Variants in HMCN1 observed in about 807,000 individuals in gnomAD.
HMCN1 encodes hemicentin-1.
A neutral mutation model predicts 625.9 loss-of-function variants in HMCN1; 321 were observed. That is an observed-to-expected ratio of 0.51 (90% CI 0.47 to 0.56). HMCN1 has a LOEUF of 0.56. Ranked by LOEUF, HMCN1 falls within the 20% of genes least tolerant of loss-of-function variation. The pLI is 0.00. For missense variants in HMCN1, 6,588 were observed against 6,887.3 expected (o/e 0.96, Z 1.54); for synonymous variants, 2,425 against 2,417.6 (o/e 1.00, Z -0.09).
rs1652740425 is a variant in HMCN1 at position 186,178,527 on chromosome 1, A to G, written c.16055A>G (p.Lys5352Arg). The G allele has an allele frequency of 6.2e-7, 1 of 1,614,104 alleles. No homozygotes were observed. The highest frequency in any genetic ancestry group is 8.5e-7 in the Non-Finnish European group (1 of 1,179,984). Residue 5352 changes from lysine (K) to arginine (R), a missense_variant, in exon 104 of 107, where the codon AAA (lysine) becomes AGA (arginine). Physicochemically the swap from Lys to Arg is conservative, Grantham distance 26. Coordinates refer to ENST00000271588, the MANE Select transcript of HMCN1 (RefSeq NM_031935.3). ...GGACAACATTTATTAGGGGACGGGAAATCTTGCGCTGGATTGGAGAGGCTG... is the reference window on the plus strand; with the variant it reads ...GGACAACATTTATTAGGGGACGGGAGATCTTGCGCTGGATTGGAGAGGCTG... ...PPGQHLLGDG[K>R]SCAGLERLPN...
Position 186,076,499 on chromosome 1 carries a change from G to A in HMCN1, c.8362G>A (p.Asp2788Asn), listed in dbSNP as rs1658821072. ...LDTGRNGEAK[D>N]VIINNPISLY... ...TACTGGCAGGAATGGTGAAGCCAAA[G>A]ATGTGATCATCAACAATCCCATTTC... The change falls in exon 54 of 107, where the codon GAT becomes AAT. Residue 2788 changes from aspartate to asparagine, a missense_variant. By Grantham distance (23) the Asp-to-Asn change is conservative. This residue lies in a region of HMCN1 where 4,628 missense variants were observed against 4,853.1 expected (regional missense o/e 0.95). Coordinates refer to ENST00000271588, the MANE Select transcript of HMCN1 (RefSeq NM_031935.3). The A allele has an allele frequency of 1.2e-6, 2 of 1,613,762 alleles. No homozygotes were observed. Among genetic ancestry groups the A allele is most frequent in the Non-Finnish European group, 1.7e-6 (2 of 1,179,820 alleles).
chr1:185,892,835 C>G (rs1054881112), intron 4 of HMCN1, among the ~76,000 whole-genome samples: 8 of 152,184 alleles, frequency 5.3e-5, no homozygotes, highest in African/African-American at 1.7e-4. Flanking sequence ...GTGGTGGGCT[C>G]CACCCAGTTC....
intron 68 of HMCN1, among the ~76,000 whole-genome samples, chr1:186,102,774 C>T (rs997983087): frequency 5.2e-4 from 79 of 152,038 alleles, no homozygotes; most frequent in Non-Finnish European, 2.9e-4. Context: ...TCATAGAAAA[C>T]GCAAATGGTC....
chr1:185,909,135 C>T (rs1456760782), intron 4 of HMCN1, among the ~76,000 whole-genome samples: 4 of 152,040 alleles, frequency 2.6e-5, no homozygotes, highest in Non-Finnish European at 4.4e-5. Flanking sequence ...GAAATTTGAA[C>T]ATGGGTTAAA....
At chr1:186,104,668 C>T (rs1660531140) in intron 69 of HMCN1, among the ~76,000 whole-genome samples, 1 of 152,106 alleles carries the variant, frequency 6.6e-6, no homozygotes, top group Admixed American at 6.6e-5. Context: ...ACTTATCTGC[C>T]AAGTACTCAT....
At chr1:186,117,748 C>A in intron 77 of HMCN1, 125 bp downstream of exon 77, 1 of 955,784 alleles carries the variant, frequency 1.0e-6, no homozygotes, top group Non-Finnish European at 1.7e-6. Context: ...ACTTAAAAAT[C>A]TGGAAAACAG....
At chr1:185,886,927 C>A (rs908031517) in intron 4 of HMCN1, among the ~76,000 whole-genome samples, 14 of 152,102 alleles carry the variant, frequency 9.2e-5, no homozygotes, top group African/African-American at 2.9e-4. Flanking sequence ...ACCTTGCCAT[C>A]CAAATGTATC....
At chr1:185,742,553 C>G (rs1424622175) in intron 1 of HMCN1, among the ~76,000 whole-genome samples, 1 of 152,050 alleles carries the variant, frequency 6.6e-6, no homozygotes, top group East Asian at 1.9e-4. Context: ...CTGTGCACAT[C>G]TATATGAACT....
chr1:185,898,302 C>T (rs1427727841), intron 4 of HMCN1, among the ~76,000 whole-genome samples: 2 of 152,130 alleles, frequency 1.3e-5, no homozygotes, highest in Non-Finnish European at 2.9e-5. Flanking sequence ...AGTCACTTCA[C>T]TACCCACAGG....
At chr1:186,087,817 A>G (rs985777321) in intron 60 of HMCN1, 115 bp from the exon 61 acceptor site, 2 of 1,155,286 alleles carry the variant, frequency 1.7e-6, no homozygotes, top group Non-Finnish European at 2.6e-6. Flanking sequence ...GCAGAAGGCA[A>G]TTAGAACTGG....
At chr1:186,143,486 A>T (rs1650099583) in intron 89 of HMCN1, among the ~76,000 whole-genome samples, 1 of 152,194 alleles carries the variant, frequency 6.6e-6, no homozygotes, top group South Asian at 2.1e-4. Context: ...CAATGATGTG[A>T]TGTGTTAGTT....
chr1:186,132,455 TTACCTAA>T, intron 86 of HMCN1, 46 bp downstream of exon 86: 1 of 1,366,040 alleles, frequency 7.3e-7, no homozygotes, highest in East Asian at 2.5e-5. Context: ...TTAGGAAATA[TTACCTAA>T]TAAAGAGTAT....
At chr1:186,171,610 C>CTG (rs1553309552) in intron 101 of HMCN1, among the ~76,000 whole-genome samples, 160 bp downstream of exon 101, 5 of 151,726 alleles carry the variant, frequency 3.3e-5, no homozygotes, top group African/African-American at 1.2e-4. Flanking sequence ...ACAAAAAATG[C>CTG]TGTTTTATGA....
At chr1:186,174,392 A>G (rs1652430257) in intron 102 of HMCN1, 122 bp from the exon 103 acceptor site, 3 of 1,118,426 alleles carry the variant, frequency 2.7e-6, no homozygotes, top group East Asian at 2.4e-5. Context: ...GTAAGCTGGT[A>G]TGATCTCAAC....
At chr1:185,775,774 GGT>G (rs1196463248) in intron 1 of HMCN1, among the ~76,000 whole-genome samples, 3 of 152,202 alleles carry the variant, frequency 2.0e-5, no homozygotes, top group African/African-American at 7.2e-5. Context: ...TTAATCAAGA[GGT>G]TAGTGTTTCT....
intron 43 of HMCN1, 144 bp from the exon 44 acceptor site, chr1:186,053,681 A>C (rs554070449): frequency 2.6e-6 from 2 of 783,782 alleles, no homozygotes; most frequent in South Asian, 1.6e-5. Flanking sequence ...CTGCTCCTTC[A>C]TTTTACACAC....
chr1:185,996,228 C>T (rs1165643683), intron 24 of HMCN1, among the ~76,000 whole-genome samples: 1 of 152,088 alleles, frequency 6.6e-6, no homozygotes, highest in African/African-American at 2.4e-5. Flanking sequence ...GGGGTAGGGA[C>T]ATGTCAGTTG....
chr1:186,137,792 C>T lies in HMCN1; in HGVS notation c.13754-10C>T, dbSNP rs779849972. ...TATACCTGATGGTGTAATGGTTCACCTTTGTATAGTGGATGGTAGCTGGTC... is the reference window on the plus strand; with the variant it reads ...TATACCTGATGGTGTAATGGTTCACTTTTGTATAGTGGATGGTAGCTGGTC... On this transcript the variant is annotated splice_polypyrimidine_tract_variant and intron_variant, in intron 88 of 106. Transcript: ENST00000271588. The T allele has an allele frequency of 1.4e-5, 23 of 1,613,866 alleles. No individual in the cohort carries two copies. The highest frequency in any genetic ancestry group is 9.9e-5 in the South Asian group (9 of 91,082).
intron 1 of HMCN1, among the ~76,000 whole-genome samples, chr1:185,785,037 A>G (rs921813838): frequency 2.6e-5 from 4 of 152,084 alleles, no homozygotes; most frequent in Admixed American, 2.0e-4. Context: ...ACTAATTAAT[A>G]TTCCATTGTA....
Sources: gnomAD v4.1 joint callset for allele counts (sites outside exome capture counted in the v4.1 genomes callset) on GRCh38, gnomAD v4.1.1 for gene constraint, gnomAD v4.1.1 regional missense constraint, MANE v1.5 for transcripts, NCBI Gene and HGNC (gene_info 2026-07-23, HGNC 2026-07-21) for gene names.